Variants in CCDC40 observed in about 807,000 individuals in gnomAD.
The protein encoded by CCDC40 is coiled-coil domain 40 molecular ruler complex subunit, also known as coiled-coil domain-containing protein 40.
Under a neutral mutation model 124.5 loss-of-function variants are expected in CCDC40, and 104 were observed. The ratio of observed to expected loss-of-function variants is 0.84; its 90% CI spans 0.71 to 0.98. The LOEUF (loss-of-function observed/expected upper bound fraction) is 0.98, where lower values mean the gene tolerates loss of function less well. Among genes scored for constraint, CCDC40 ranks in the 50% least tolerant of loss-of-function variants. The pLI, the probability that CCDC40 is intolerant of heterozygous loss-of-function variation, is 0.00. For synonymous variants in CCDC40, 580 were observed against 602.9 expected (o/e 0.96, Z 0.56); for missense variants, 1,463 against 1,503.9 (o/e 0.97, Z 0.45).
chr17:80,065,399 T>A, intron 9 of CCDC40, 86 bp from the exon 10 acceptor site: 1 of 1,557,888 alleles, frequency 6.4e-7, no homozygotes. Context: ...GAGGAAGATT[T>A]GGGAATGTGA....
At position 80,040,269 on chromosome 17, in the gene CCDC40, T is replaced by G; in HGVS notation, c.551T>G (p.Leu184Trp). Residue 184 changes from leucine (L) to tryptophan (W), a missense_variant and splice_region_variant, in exon 3 of 20, where the codon TTG becomes TGG. By Grantham distance (61) the Leu-to-Trp change is moderately conservative (BLOSUM62 -2). Coordinates refer to ENST00000397545, the MANE Select transcript of CCDC40 (RefSeq NM_017950.4). ...ACCTCTGGGCCAGCAGTGGGCAGAT[T>G]GGTGAGTAGCCCTGACTTCTGTTTT... Reference protein sequence around the residue: ...QVTSGPAVGRLTGSTEEPQGQ... With the variant: ...QVTSGPAVGRWTGSTEEPQGQ... 1 of 1,612,828 alleles carries G rather than the reference T, an allele frequency of 6.2e-7. No individual in the cohort carries two copies. Among genetic ancestry groups the G allele is most frequent in the Non-Finnish European group, 8.5e-7 (1 of 1,179,774 alleles).
chr17:80,081,692 C>T lies in CCDC40; in HGVS notation c.1709C>T (p.Thr570Ile), dbSNP rs905231208. 2 of 1,614,078 alleles carry T rather than the reference C, an allele frequency of 1.2e-6. No homozygotes were observed. Among genetic ancestry groups the T allele is most frequent in the South Asian group, 1.1e-5 (1 of 91,090 alleles). ...GCCACACTGCTGCAGAAGCTCACCA[C>T]CCAGTGCCTGACCAAGCAGGTGGCC... ...TEATLLQKLT[T>I]QCLTKQVALQ... The change falls in exon 11 of 20, where the codon ACC becomes ATC. Residue 570 changes from threonine (T) to isoleucine (I), a missense_variant. Thr to Ile is a moderately conservative substitution (Grantham distance 89). Transcript: ENST00000397545.
intron 10 of CCDC40, chr17:80,067,691 A>G (rs2038083180): frequency 3.3e-6 from 5 of 1,535,676 alleles, no homozygotes; most frequent in Non-Finnish European, 4.4e-6. Context: ...AACGCTCACC[A>G]GGATGCTATA....
intron 3 of CCDC40, among the ~76,000 whole-genome samples, chr17:80,044,716 A>AATATATATATATATATATATAT (rs10582928): frequency 3.8e-5 from 5 of 131,762 alleles, no homozygotes; most frequent in South Asian, 2.3e-4. Flanking sequence ...CAAAAAAAAA[A>AATATATATATATATATATATAT]ATATATATAT....
At chr17:80,040,885 A>T (rs538148128) in intron 3 of CCDC40, among the ~76,000 whole-genome samples, 1 of 152,148 alleles carries the variant, frequency 6.6e-6, no homozygotes, top group African/African-American at 2.4e-5. Context: ...ACATGTGGCT[A>T]CAGAGAGCTC....
At chr17:80,046,574 G>A (rs538665889) in intron 3 of CCDC40, among the ~76,000 whole-genome samples, 24 of 140,724 alleles carry the variant, frequency 1.7e-4, no homozygotes, top group Non-Finnish European at 2.5e-4. Flanking sequence ...TGGTTTCTGC[G>A]TGTCTGCATC....
rs1171512721 is a variant in CCDC40, at chr17:80,050,185, T to C, written c.1061T>C (p.Met354Thr). The C allele has an allele frequency of 1.2e-6, 2 of 1,612,708 alleles. No homozygotes were observed. The highest frequency in any genetic ancestry group is 1.7e-6 in the Non-Finnish European group (2 of 1,179,894). ...GAGAAGAGTCACGACCGCCACGCAA[T>C]GGCCTCGAGCGAGCGCAGGCAGAAG... Reference protein sequence around the residue: ...LLEKSHDRHAMASSERRQKEE... With the variant: ...LLEKSHDRHATASSERRQKEE... Residue 354 changes from methionine to threonine, a missense_variant, in exon 7 of 20, where the codon ATG becomes ACG. Physicochemically the swap from Met to Thr is moderately conservative, Grantham distance 81. Transcript: ENST00000397545.
rs60590310 is a variant in CCDC40, at chr17:80,066,638, C to T, written c.1562+1032C>T. 999 of 163,072 alleles carry T rather than the reference C, an allele frequency of 6.1e-3. 10 individuals carry two copies. Among genetic ancestry groups the T allele is most frequent in the African/African-American group, 0.023 (952 of 41,586 alleles). 10.1% of individuals were successfully genotyped at this position (163,072 alleles called of 1,614,324 possible). A position where few individuals can be genotyped will look rare whatever the true frequency, so the allele number is the denominator to read the frequency against. ...AGGCATGGTGTGGGCGCCTGTAATC[C>T]CCGCTACTCGGGAGGGTGAGACAGA... On this transcript the variant is annotated intron_variant, in intron 10 of 19. Transcript: ENST00000397545. This position sits in a 1 kb window ranked among gnomAD's most constrained non-coding sequence, Gnocchi z 4.4.
intron 10 of CCDC40, among the ~76,000 whole-genome samples, chr17:80,070,803 G>A (rs1020620302): frequency 2.0e-5 from 3 of 152,188 alleles, no homozygotes; most frequent in Non-Finnish European, 4.4e-5. Flanking sequence ...CAGACACAGG[G>A]GCATGGGTGA....
chr17:80,079,003 A>G (rs2038381436), intron 10 of CCDC40, among the ~76,000 whole-genome samples: 1 of 146,344 alleles, frequency 6.8e-6, no homozygotes, highest in African/African-American at 2.6e-5. Context: ...GAACAATCTC[A>G]GCTTACTGCA....
intron 3 of CCDC40, among the ~76,000 whole-genome samples, chr17:80,045,362 T>G (rs113138406): frequency 3.3e-5 from 5 of 152,130 alleles, no homozygotes; most frequent in African/African-American, 1.2e-4. Flanking sequence ...TATCCAAGAG[T>G]TCATCATCAG....
rs552692633 is a variant in CCDC40, at chr17:80,094,579, T to C, written c.2833-684T>C. Among the ~76,000 whole-genome samples, 274 of 152,210 alleles carry C rather than the reference T, an allele frequency of 1.8e-3. 3 individuals carry two copies. Among genetic ancestry groups the C allele is most frequent in the African/African-American group, 6.3e-3 (261 of 41,542 alleles). On this transcript the variant is annotated intron_variant, in intron 17 of 19. Coordinates refer to ENST00000397545, the MANE Select transcript of CCDC40 (RefSeq NM_017950.4). ...GCCTGGGGGCAGATACCTGTAATCCTAGCTACTCAGGAGGCTGAGGCAGAA... is the reference window on the plus strand; with the variant it reads ...GCCTGGGGGCAGATACCTGTAATCCCAGCTACTCAGGAGGCTGAGGCAGAA...
intron 13 of CCDC40, 65 bp downstream of exon 13, chr17:80,085,053 C>G (rs959347780): frequency 6.3e-7 from 1 of 1,581,636 alleles, no homozygotes; most frequent in Non-Finnish European, 8.6e-7. Context: ...GCAGAGCCCC[C>G]TCAGATCCCC....
At chr17:80,080,282 A>G (rs1445098413) in intron 10 of CCDC40, among the ~76,000 whole-genome samples, 2 of 152,150 alleles carry the variant, frequency 1.3e-5, no homozygotes, top group Non-Finnish European at 2.9e-5. Context: ...CCTCACACAC[A>G]CAAAATTCAA....
In CCDC40 at chr17:80,050,107, G is replaced by A. The variant is rs1226517451; in HGVS notation, c.983G>A (p.Gly328Glu). 13 of 1,613,874 alleles carry A rather than the reference G, an allele frequency of 8.1e-6. No individual in the cohort carries two copies. The highest frequency in any genetic ancestry group is 1.0e-5 in the Non-Finnish European group (12 of 1,180,040). ...KQSRAQRQEL[G>E]VNLYEVQQHL... ...AGCCGAGCCCAGCGGCAGGAGCTGGGGGTGAATCTCTATGAGGTGCAGCAG... is the reference window on the plus strand; with the variant it reads ...AGCCGAGCCCAGCGGCAGGAGCTGGAGGTGAATCTCTATGAGGTGCAGCAG... Residue 328 changes from glycine to glutamate, a missense_variant, in exon 7 of 20, where the codon GGG becomes GAG. Coordinates refer to ENST00000397545, the MANE Select transcript of CCDC40 (RefSeq NM_017950.4).
At chr17:80,064,251 T>C (rs1399175804) in intron 9 of CCDC40, among the ~76,000 whole-genome samples, 1 of 152,162 alleles carries the variant, frequency 6.6e-6, no homozygotes, top group Admixed American at 6.5e-5. Context: ...CCCGTGATGT[T>C]CTAGCGCACT....
At chr17:80,064,286 C>T (rs2037978359) in intron 9 of CCDC40, among the ~76,000 whole-genome samples, 1 of 152,222 alleles carries the variant, frequency 6.6e-6, no homozygotes, top group African/African-American at 2.4e-5. Flanking sequence ...GTCTACCAAG[C>T]TTGCCTGGGT....
intron 7 of CCDC40, among the ~76,000 whole-genome samples, chr17:80,052,837 A>T (rs932705497): frequency 3.1e-4 from 47 of 152,180 alleles, no homozygotes; most frequent in African/African-American, 1.1e-3. Flanking sequence ...TGGTAGTCTC[A>T]TGAGATTTTA....
chr17:80,037,347 A>G (rs1349309033), intron 1 of CCDC40, among the ~76,000 whole-genome samples: 1 of 152,134 alleles, frequency 6.6e-6, no homozygotes, highest in Non-Finnish European at 1.5e-5. Flanking sequence ...AAAGGATAGA[A>G]ACGATTGGAA....
Sources: gnomAD v4.1 joint callset for allele counts (sites outside exome capture counted in the v4.1 genomes callset) on GRCh38, gnomAD v4.1.1 for gene constraint, Gnocchi (gnomAD v3.1) non-coding constraint, MANE v1.5 for transcripts, NCBI Gene and HGNC (gene_info 2026-07-23, HGNC 2026-07-21) for gene names.